Variants in NOX4 observed in about 807,000 individuals in gnomAD.
NOX4 encodes kidney oxidase-1.
A neutral mutation model predicts 87.6 loss-of-function variants in NOX4; 69 were observed. The ratio of observed to expected loss-of-function variants is 0.79; its 90% CI spans 0.65 to 0.96. NOX4 has a LOEUF of 0.96. NOX4 is among the 40% of genes least tolerant of loss of function. The probability of loss-of-function intolerance (pLI) is 0.00; values close to 1 mark genes in which losing one functional copy is unlikely to be tolerated. For synonymous variants in NOX4, 275 were observed against 238.2 expected (o/e 1.15, Z -1.42); for missense variants, 680 against 681.5 (o/e 1.00, Z 0.02).
At chr11:89,394,644 C>T (rs966479104) in intron 11 of NOX4, among the ~76,000 whole-genome samples, 2 of 152,032 alleles carry the variant, frequency 1.3e-5, no homozygotes, top group Non-Finnish European at 2.9e-5. Context: ...TAACGCTATC[C>T]CTCCCCTAGC....
chr11:89,434,243 C>G (rs1943968897), intron 6 of NOX4, among the ~76,000 whole-genome samples: 2 of 152,038 alleles, frequency 1.3e-5, no homozygotes, highest in African/African-American at 4.8e-5. Context: ...AATCTCAGTA[C>G]AGTAGAAACA....
intron 13 of NOX4, among the ~76,000 whole-genome samples, chr11:89,347,480 C>T (rs1370059526): frequency 2.0e-5 from 3 of 152,168 alleles, no homozygotes; most frequent in African/African-American, 4.8e-5. Flanking sequence ...CAAAGACTTA[C>T]AAGAAAGAAT....
chr11:89,458,153 G>T (rs35924417), intron 2 of NOX4, among the ~76,000 whole-genome samples: 2 of 152,016 alleles, frequency 1.3e-5, no homozygotes, highest in Non-Finnish European at 1.5e-5. Flanking sequence ...ACCTGACTTC[G>T]AATTATACTA....
At chr11:89,460,945 T>C (rs1344827178) in intron 2 of NOX4, among the ~76,000 whole-genome samples, 5 of 152,214 alleles carry the variant, frequency 3.3e-5, no homozygotes, top group Non-Finnish European at 7.3e-5. Context: ...TAAGAAAATG[T>C]GGCACATATA....
intron 13 of NOX4, among the ~76,000 whole-genome samples, chr11:89,351,545 A>C (rs1466302442): frequency 1.3e-5 from 2 of 152,200 alleles, no homozygotes; most frequent in African/African-American, 4.8e-5. Flanking sequence ...CTGTCTTCAA[A>C]GCTTCAAAGG....
rs533423108 is a variant in NOX4, at chr11:89,353,580, C to CA, written c.1217+1381_1217+1382insT. 3.9e-3 allele frequency among the ~76,000 whole-genome samples: 597 copies of CA among 152,160 alleles called. 6 individuals are homozygous for CA. Among genetic ancestry groups the CA allele is most frequent in the Non-Finnish European group, 2.6e-3 (174 of 68,000 alleles). ...AATTACTTTTATATGCAGTGAGAAA[C>CA]TTAAAAAAAAGTGTGACAGCTTTAT... On this transcript the variant is annotated intron_variant, in intron 13 of 17. Coordinates refer to ENST00000263317, the MANE Select transcript of NOX4 (RefSeq NM_016931.5).
chr11:89,565,928 G>A, the NOX4 span, among the ~76,000 whole-genome samples: 449 of 152,034 alleles, frequency 3.0e-3, 8 homozygotes, highest in East Asian at 0.056. Context: ...AATAGATCTT[G>A]CATGGTTGTG....
intron 11 of NOX4, among the ~76,000 whole-genome samples, chr11:89,393,075 C>T (rs547762070): frequency 6.1e-4 from 93 of 152,252 alleles, no homozygotes; most frequent in Middle Eastern, 6.8e-3. Context: ...GGACAACTAT[C>T]GATCTAATGC....
intron 7 of NOX4, among the ~76,000 whole-genome samples, chr11:89,422,786 A>T (rs1943151598): frequency 6.7e-6 from 1 of 149,406 alleles, no homozygotes; most frequent in Non-Finnish European, 1.5e-5. Flanking sequence ...TAACATATAC[A>T]AAGTTCTGAT....
chr11:89,338,507 G>A (rs937380487), intron 15 of NOX4, among the ~76,000 whole-genome samples: 2 of 152,012 alleles, frequency 1.3e-5, no homozygotes, highest in African/African-American at 4.8e-5. Flanking sequence ...TACATACCTA[G>A]AACCAATGTT....
intron 2 of NOX4, among the ~76,000 whole-genome samples, chr11:89,464,398 T>C (rs908730402): frequency 1.3e-5 from 2 of 152,142 alleles, no homozygotes; most frequent in African/African-American, 4.8e-5. Context: ...CAAAAGGTTC[T>C]CATTCAGAAG....
chr11:89,404,727 T>G (rs1469255320), intron 8 of NOX4, among the ~76,000 whole-genome samples: 2 of 152,222 alleles, frequency 1.3e-5, no homozygotes, highest in Non-Finnish European at 2.9e-5. Flanking sequence ...GCTCTTCACC[T>G]CTCATGATAT....
rs1565209787 is a variant in NOX4 at position 89,373,494 on chromosome 11, T to A, written c.1075-2A>T. ...TGTTGCTTTGGTTTCAGTTGGACACTAAAAAAAAATACTAGAATCAATTGT... is the reference window on the plus strand; with the variant it reads ...TGTTGCTTTGGTTTCAGTTGGACACAAAAAAAAAATACTAGAATCAATTGT... On this transcript the variant is annotated splice_acceptor_variant, in intron 11 of 17. Transcript: ENST00000263317. LOFTEE classifies it high-confidence loss of function. 1.3e-6 allele frequency: 2 copies of A among 1,494,926 alleles called. No homozygotes were observed. The highest frequency in any genetic ancestry group is 1.8e-5 in the Admixed American group (1 of 56,860). 92.6% of individuals were successfully genotyped at this position (1,494,926 alleles called of 1,614,324 possible).
intron 5 of NOX4, 86 bp downstream of exon 5, chr11:89,444,049 G>A: frequency 2.7e-6 from 3 of 1,117,576 alleles, no homozygotes; most frequent in Non-Finnish European, 4.1e-6. Flanking sequence ...GAGCAGTAAG[G>A]TACAAATTTT....
the NOX4 span, among the ~76,000 whole-genome samples, chr11:89,511,093 G>A: frequency 2.6e-5 from 4 of 151,768 alleles, no homozygotes; most frequent in Non-Finnish European, 4.4e-5. Context: ...GAGTTCTTAC[G>A]AATTTTAAAA....
At chr11:89,442,882 A>C (rs1428504128) in intron 5 of NOX4, among the ~76,000 whole-genome samples, 2 of 152,198 alleles carry the variant, frequency 1.3e-5, no homozygotes, top group Non-Finnish European at 2.9e-5. Flanking sequence ...AAGAAGGAAA[A>C]GAGAAACAAA....
chr11:89,534,873 G>A, the NOX4 span, among the ~76,000 whole-genome samples: 2 of 152,172 alleles, frequency 1.3e-5, no homozygotes, highest in Non-Finnish European at 2.9e-5. Context: ...TTTGCACATA[G>A]GGCTGTTTAC....
chr11:89,469,610 T>G (rs1444771553), intron 2 of NOX4, among the ~76,000 whole-genome samples: 1 of 152,202 alleles, frequency 6.6e-6, no homozygotes, highest in African/African-American at 2.4e-5. Context: ...TTTACACTGC[T>G]AGTTCATAAA....
chr11:89,493,376 A>G (rs1946908759), upstream of NOX4, among the ~76,000 whole-genome samples: 1 of 149,598 alleles, frequency 6.7e-6, no homozygotes, highest in African/African-American at 2.5e-5. Context: ...GCGACAGAGC[A>G]AGACTCTATC....
Sources: allele counts gnomAD v4.1 joint callset (sites outside exome capture counted in the v4.1 genomes callset), GRCh38; gene constraint gnomAD v4.1.1; transcripts MANE v1.5; gene names NCBI Gene and HGNC (gene_info 2026-07-23, HGNC 2026-07-21).